OCA2: variants seen among roughly 807,000 people sequenced by gnomAD.
OCA2 encodes OCA2 melanosomal transmembrane protein.
In OCA2, 77 loss-of-function variants were observed where a neutral mutation model predicts 100.2. The ratio of observed to expected loss-of-function variants is 0.77; its 90% confidence interval spans 0.64 to 0.93. The LOEUF (loss-of-function observed/expected upper bound fraction) is 0.93. Among genes scored for constraint, OCA2 ranks in the 40% least tolerant of loss-of-function variants. The probability of loss-of-function intolerance (pLI) is 0.00; values close to 1 mark genes in which losing one functional copy is unlikely to be tolerated. For synonymous variants in OCA2, 432 were observed against 439.2 expected (o/e 0.98, Z 0.21); for missense variants, 1,062 against 1,089.1 (o/e 0.98, Z 0.35).
At chr15:28,089,194 A>G (rs1034359120) in intron 1 of OCA2, among the ~76,000 whole-genome samples, 5 of 152,184 alleles carry the variant, frequency 3.3e-5, no homozygotes, top group African/African-American at 4.8e-5. Flanking sequence ...CTCCCTGAAC[A>G]TTGCTGTTAT....
chr15:28,055,991 A>C (rs2043681031), intron 2 of OCA2, among the ~76,000 whole-genome samples: 1 of 152,114 alleles, frequency 6.6e-6, no homozygotes, highest in Non-Finnish European at 1.5e-5. Context: ...GAGAGAAAGG[A>C]GAGACACAAG....
chr15:27,767,056 G>A (rs2151015011), intron 23 of OCA2, among the ~76,000 whole-genome samples: 1 of 152,134 alleles, frequency 6.6e-6, no homozygotes, highest in Admixed American at 6.5e-5. Flanking sequence ...GGGCTACATG[G>A]CTTCTCCCTT....
intron 19 of OCA2, among the ~76,000 whole-genome samples, chr15:27,921,342 T>C (rs1421580529): frequency 6.8e-6 from 1 of 147,496 alleles, no homozygotes; most frequent in African/African-American, 2.4e-5. Flanking sequence ...AGGGATTCTA[T>C]ATAAGTGAAA....
intron 23 of OCA2, among the ~76,000 whole-genome samples, chr15:27,765,954 T>G (rs2031225579): frequency 6.6e-6 from 1 of 152,158 alleles, no homozygotes; most frequent in Non-Finnish European, 1.5e-5. Context: ...ATCCCGTGAA[T>G]TAGAATGCCT....
intron 23 of OCA2, among the ~76,000 whole-genome samples, chr15:27,762,473 C>T (rs2030920375): frequency 1.3e-5 from 2 of 152,200 alleles, no homozygotes; most frequent in African/African-American, 4.8e-5. Context: ...CCAGCATGTA[C>T]CTAAGAGCAG....
At chr15:28,036,410 G>A (rs992349358) in intron 2 of OCA2, among the ~76,000 whole-genome samples, 7 of 152,132 alleles carry the variant, frequency 4.6e-5, no homozygotes, top group African/African-American at 1.2e-4. Flanking sequence ...GGAACAAACC[G>A]CTATCCCCAC....
At chr15:27,720,186 T>A in the OCA2 span, among the ~76,000 whole-genome samples, 1 of 152,044 alleles carries the variant, frequency 6.6e-6, no homozygotes, top group African/African-American at 2.4e-5. Context: ...GCATCCTCCT[T>A]TGTAATAGTC....
At chr15:28,077,171 T>C (rs947498461) in intron 2 of OCA2, among the ~76,000 whole-genome samples, 21 of 151,790 alleles carry the variant, frequency 1.4e-4, no homozygotes, top group Non-Finnish European at 2.5e-4. Context: ...GCAATTCTCC[T>C]GCCTGAGCCT....
At chr15:27,952,594 C>T (rs918131169) in intron 17 of OCA2, among the ~76,000 whole-genome samples, 3 of 152,338 alleles carry the variant, frequency 2.0e-5, no homozygotes, top group South Asian at 2.1e-4. Flanking sequence ...GTGTGAATGC[C>T]GGCCCACTGT....
At chr15:27,722,060 C>T in the OCA2 span, among the ~76,000 whole-genome samples, 1 of 152,192 alleles carries the variant, frequency 6.6e-6, no homozygotes, top group Admixed American at 6.5e-5. Context: ...GACATTTGCC[C>T]ATGTCATTAA....
intron 1 of OCA2, among the ~76,000 whole-genome samples, chr15:28,089,779 T>C (rs1193190922): frequency 6.6e-6 from 1 of 152,190 alleles, no homozygotes; most frequent in African/African-American, 2.4e-5. Context: ...CAACAGACAC[T>C]GGGGACTACT....
At chr15:27,891,868 A>G (rs1464821358) in intron 19 of OCA2, among the ~76,000 whole-genome samples, 1 of 152,182 alleles carries the variant, frequency 6.6e-6, no homozygotes, top group Non-Finnish European at 1.5e-5. Flanking sequence ...TAACCCAACT[A>G]TATGCTGGAA....
intron 9 of OCA2, among the ~76,000 whole-genome samples, chr15:28,007,143 C>A (rs573811970): frequency 7.2e-5 from 11 of 152,266 alleles, no homozygotes; most frequent in African/African-American, 2.4e-4. Context: ...CGCTTGTTTC[C>A]AGCAGAAAGG....
chr15:27,994,568 C>G (rs1035862525), intron 9 of OCA2, among the ~76,000 whole-genome samples: 2 of 152,194 alleles, frequency 1.3e-5, no homozygotes, highest in African/African-American at 4.8e-5. Flanking sequence ...CCTCTCTGGT[C>G]GAGCCGACAC....
intron 23 of OCA2, among the ~76,000 whole-genome samples, chr15:27,831,857 C>A (rs8029641): frequency 0.5 from 75,458 of 151,924 alleles, 19,368 homozygotes; most frequent in South Asian, 0.76. Flanking sequence ...ATTGAGGCAT[C>A]TGTCACCTGC....
chr15:28,052,486 C>A (rs1419217635), intron 2 of OCA2, among the ~76,000 whole-genome samples: 1 of 152,190 alleles, frequency 6.6e-6, no homozygotes, highest in African/African-American at 2.4e-5. Context: ...CAACCTCAGT[C>A]TAGCTCTGAG....
intron 19 of OCA2, among the ~76,000 whole-genome samples, chr15:27,903,122 C>G (rs1378036030): frequency 2.0e-5 from 3 of 152,342 alleles, no homozygotes; most frequent in African/African-American, 7.2e-5. Flanking sequence ...CGCTCCTGCG[C>G]CCCCTCTCCC....
At chr15:27,846,681 G>A (rs1401657668) in intron 22 of OCA2, among the ~76,000 whole-genome samples, 2 of 152,196 alleles carry the variant, frequency 1.3e-5, no homozygotes, top group African/African-American at 2.4e-5. Context: ...GGAAACAGAA[G>A]GATCTTTCCA....
chr15:27,819,269 A>C (rs561557260), intron 23 of OCA2, among the ~76,000 whole-genome samples: 1 of 152,352 alleles, frequency 6.6e-6, no homozygotes, highest in South Asian at 2.1e-4. Context: ...AAGCAGAAGG[A>C]AGGCAATGGC....
Sources: gnomAD v4.1 joint callset for allele counts (sites outside exome capture counted in the v4.1 genomes callset) on GRCh38, gnomAD v4.1.1 for gene constraint, MANE v1.5 for transcripts, NCBI Gene and HGNC (gene_info 2026-07-23, HGNC 2026-07-21) for gene names.